The following GXYLT1 variants were observed in gnomAD, a reference collection of about 807,000 sequenced individuals.
GXYLT1 encodes the protein glucoside xylosyltransferase 1, also known as glycosyltransferase 8 domain containing 3.
In GXYLT1, 29 loss-of-function variants were observed where a neutral mutation model predicts 54.0. The ratio of observed to expected loss-of-function variants is 0.54; its 90% confidence interval spans 0.40 to 0.73. GXYLT1 has a LOEUF of 0.73. GXYLT1 is among the 30% of genes least tolerant of loss of function. The probability of loss-of-function intolerance (pLI) is 0.00; values close to 1 mark genes in which losing one functional copy is unlikely to be tolerated. For missense variants in GXYLT1, 490 were observed against 553.4 expected, an observed-to-expected ratio of 0.89 and a Z score of 1.15; for synonymous variants, 176 against 204.1, an observed-to-expected ratio of 0.86 and a Z score of 1.17.
chr12:42,089,496 A>G (rs1379600584), intron 7 of GXYLT1, among the ~76,000 whole-genome samples: 1 of 152,212 alleles, frequency 6.6e-6, no homozygotes, highest in Non-Finnish European at 1.5e-5. Context: ...TAAAATATAT[A>G]TACATATAAA....
intron 3 of GXYLT1, among the ~76,000 whole-genome samples, chr12:42,117,400 T>C (rs1452809151): frequency 2.0e-5 from 3 of 151,850 alleles, no homozygotes; most frequent in Non-Finnish European, 2.9e-5. Flanking sequence ...ATACCACTTA[T>C]AACAGTAAGA....
intron 2 of GXYLT1, among the ~76,000 whole-genome samples, chr12:42,125,746 A>G (rs1230904868): frequency 6.6e-6 from 1 of 152,236 alleles, no homozygotes; most frequent in Non-Finnish European, 1.5e-5. Flanking sequence ...TGAGCACAGT[A>G]GCTCATGCCT....
In GXYLT1 at chr12:42,085,749, A is replaced by G. The variant is rs1321223605; in HGVS notation, c.*2037T>C. ...TGCTTAAGGACTGGCTATGAGATGA[A>G]GCCGAAGGACTGCTGCTGCCTCTGT... On this transcript the variant is annotated 3_prime_UTR_variant, in exon 8 of 8. Coordinates refer to ENST00000398675, the MANE Select transcript of GXYLT1 (RefSeq NM_173601.2). 6.6e-6 allele frequency: 1 copy of G among 152,298 alleles called. No homozygotes were observed. Among genetic ancestry groups the G allele is most frequent in the East Asian group, 1.9e-4 (1 of 5,202 alleles). 9.4% of individuals were successfully genotyped at this position (152,298 alleles called of 1,614,324 possible).
At chr12:42,103,726 G>A (rs929604251) in intron 5 of GXYLT1, among the ~76,000 whole-genome samples, 1 of 152,166 alleles carries the variant, frequency 6.6e-6, no homozygotes, top group African/African-American at 2.4e-5. Context: ...AATAGTAGGT[G>A]TGAAGTAAAT....
At chr12:42,137,064 G>C (rs1356168711) in intron 1 of GXYLT1, among the ~76,000 whole-genome samples, 1 of 152,090 alleles carries the variant, frequency 6.6e-6, no homozygotes, top group Non-Finnish European at 1.5e-5. Flanking sequence ...CACCATGCCT[G>C]GTTGTACTTT....
intron 2 of GXYLT1, among the ~76,000 whole-genome samples, chr12:42,122,947 A>C (rs2065539548): frequency 6.6e-6 from 1 of 152,198 alleles, no homozygotes; most frequent in Non-Finnish European, 1.5e-5. Context: ...GAAGAACACA[A>C]TATCCCATGC....
At chr12:42,095,613 C>T (rs1004557818) in intron 7 of GXYLT1, among the ~76,000 whole-genome samples, 6 of 152,028 alleles carry the variant, frequency 3.9e-5, no homozygotes, top group African/African-American at 9.7e-5. Context: ...GAAATTGGTA[C>T]CCGATAGAGG....
rs2065365109 is a variant in GXYLT1 at position 42,097,840 on chromosome 12, A to T, written c.988+70T>A. The T allele has an allele frequency of 9.3e-6, 11 of 1,187,642 alleles. No homozygotes were observed. In the South Asian group the frequency reaches 1.5e-4, roughly 17 times the overall value. The allele number at this position is 1,187,642 out of a possible 1,614,324, so 73.6% of individuals were successfully genotyped here. ...ATATAAGACAGAATCAGATAAGTGC[A>T]TGTTTTCCTTTTTCACTAAGTATTA... On this transcript the variant is annotated intron_variant, in intron 6 of 7. Transcript: ENST00000398675.
At chr12:42,144,274 C>A in intron 1 of GXYLT1, 152 bp downstream of exon 1, 1 of 386,592 alleles carries the variant, frequency 2.6e-6, no homozygotes, top group East Asian at 5.5e-5. Context: ...TTAGCCCCGG[C>A]CGGAGGGGAA....
chr12:42,114,608 C>T (rs941899180), intron 3 of GXYLT1, among the ~76,000 whole-genome samples: 42 of 152,100 alleles, frequency 2.8e-4, no homozygotes, highest in African/African-American at 7.5e-4. Flanking sequence ...AATAGACCAA[C>T]AACAGGCTCT....
chr12:42,118,876 T>C (rs953784926), intron 3 of GXYLT1, 124 bp downstream of exon 3: 13 of 729,394 alleles, frequency 1.8e-5, no homozygotes, highest in African/African-American at 9.1e-5. Context: ...AACTTTTCTT[T>C]ATAAATTACC....
chr12:42,091,293 T>TA (rs2065327676), intron 7 of GXYLT1, among the ~76,000 whole-genome samples: 9 of 151,678 alleles, frequency 5.9e-5, no homozygotes, highest in South Asian at 2.1e-4. Flanking sequence ...TAAGATTTTT[T>TA]TAAAAAAAAA....
At chr12:42,144,280 G>A in intron 1 of GXYLT1, 146 bp downstream of exon 1, 3 of 421,818 alleles carry the variant, frequency 7.1e-6, no homozygotes, top group South Asian at 8.6e-5. Context: ...CCGGCCGGAG[G>A]GGAAGGAGGG....
intron 5 of GXYLT1, among the ~76,000 whole-genome samples, chr12:42,098,538 CAACTT>C (rs750694243): frequency 2.1e-4 from 32 of 151,702 alleles, no homozygotes; most frequent in African/African-American, 3.1e-4. Context: ...AATGCATACA[CAACTT>C]AAGTTAAACA....
At chr12:42,115,706 C>T (rs1462166079) in intron 3 of GXYLT1, among the ~76,000 whole-genome samples, 1 of 151,704 alleles carries the variant, frequency 6.6e-6, no homozygotes, top group African/African-American at 2.4e-5. Flanking sequence ...CCATACTGCC[C>T]AAGGTAATTT....
chr12:42,138,937 C>G (rs1397127529), intron 1 of GXYLT1, among the ~76,000 whole-genome samples: 2 of 152,070 alleles, frequency 1.3e-5, no homozygotes, highest in Admixed American at 1.3e-4. Flanking sequence ...ACTTGTGAGG[C>G]TGAGGCAGGA....
intron 3 of GXYLT1, among the ~76,000 whole-genome samples, chr12:42,110,101 G>A (rs2065444117): frequency 6.6e-6 from 1 of 152,120 alleles, no homozygotes; most frequent in Admixed American, 6.5e-5. Flanking sequence ...TTCAAAGTCA[G>A]ACCAAATATG....
intron 4 of GXYLT1, among the ~76,000 whole-genome samples, chr12:42,107,299 A>T (rs190979708): frequency 6.6e-6 from 1 of 152,058 alleles, no homozygotes; most frequent in Non-Finnish European, 1.5e-5. Flanking sequence ...CCCTTATCTC[A>T]CTATCAGCTG....
chr12:42,143,292 C>T (rs1309167266), intron 1 of GXYLT1, among the ~76,000 whole-genome samples: 1 of 152,154 alleles, frequency 6.6e-6, no homozygotes, highest in East Asian at 1.9e-4. Flanking sequence ...TCATTTTTCA[C>T]GAGCTCATTC....
Sources: allele counts gnomAD v4.1 joint callset (sites outside exome capture counted in the v4.1 genomes callset), GRCh38; gene constraint gnomAD v4.1.1; transcripts MANE v1.5; gene names NCBI Gene and HGNC (gene_info 2026-07-23, HGNC 2026-07-21).